ATP6V1A: variants seen among roughly 807,000 people sequenced by gnomAD.
ATP6V1A encodes the protein ATPase H+ transporting V1 subunit A, also known as V-type proton ATPase catalytic subunit A.
ATP6V1A carries 18 observed loss-of-function variants against 70.1 expected under a neutral mutation model. The ratio of observed to expected loss-of-function variants is 0.26; its 90% confidence interval spans 0.18 to 0.38. The LOEUF is 0.38. Ranked by LOEUF, ATP6V1A falls within the 10% of genes least tolerant of loss-of-function variation. ATP6V1A has a pLI of 1.00. For missense variants in ATP6V1A, 424 were observed against 772.4 expected (o/e 0.55, Z 5.35); for synonymous variants, 232 against 253.8 (o/e 0.91, Z 0.82).
intron 2 of ATP6V1A, among the ~76,000 whole-genome samples, chr3:113,779,578 G>T (rs932040259): frequency 3.5e-4 from 53 of 152,080 alleles, no homozygotes; most frequent in African/African-American, 1.2e-3. Context: ...TGATGTTTAC[G>T]CAAATGAAGA....
chr3:113,787,872 G>A (rs1476601058), intron 6 of ATP6V1A, among the ~76,000 whole-genome samples: 2 of 152,046 alleles, frequency 1.3e-5, no homozygotes, highest in African/African-American at 2.4e-5. Context: ...CATTTTCTAC[G>A]ACTGCTTAAA....
Position 113,784,270 on chromosome 3 carries a change from C to G in ATP6V1A, c.258C>G (p.Leu86=). The G allele has an allele frequency of 1.2e-6, 2 of 1,614,188 alleles. No individual in the cohort carries two copies. Among genetic ancestry groups the G allele is most frequent in the Non-Finnish European group, 1.7e-6 (2 of 1,180,014 alleles). ...CTGTACTTCGCACTGGTAAACCCCT[C>G]TCTGTAGAGCTTGGTCCTGGCATTA... is the stretch of plus-strand genomic sequence containing the variant. The part of the protein sequence containing the change: ...GDPVLRTGKP[L]SVELGPGIMG... The change falls in exon 4 of 15, where the codon CTC becomes CTG. Residue 86 remains leucine (L), a synonymous_variant. Coordinates refer to ENST00000273398, the MANE Select transcript of ATP6V1A (RefSeq NM_001690.4).
chr3:113,790,691 C>A (rs534343478), intron 8 of ATP6V1A, among the ~76,000 whole-genome samples: 1 of 152,308 alleles, frequency 6.6e-6, no homozygotes, highest in Non-Finnish European at 1.5e-5. Flanking sequence ...TTAATGCTCA[C>A]CAACAGTCCC....
intron 3 of ATP6V1A, among the ~76,000 whole-genome samples, chr3:113,783,250 A>G (rs1174451572): frequency 1.3e-5 from 2 of 152,176 alleles, no homozygotes; most frequent in Non-Finnish European, 2.9e-5. Context: ...ACAGTGCTAC[A>G]TTGTAAGTAT....
At position 113,779,034 on chromosome 3, in the gene ATP6V1A, A is replaced by G. The variant is rs1577087832; in HGVS notation, c.82+199A>G. On this transcript the variant is annotated intron_variant, in intron 2 of 14. Transcript: ENST00000273398. ...ATCTAGCATTGATTATCTAAATTTT[A>G]TAATTATTGAGGTACTACTTTGTGA... The G allele has an allele frequency of 8.0e-6, 3 of 376,730 alleles. No individual in the cohort carries two copies. The Admixed American group carries it at 1.4e-4, about 17-fold the overall frequency. The allele number at this position is 376,730 out of a possible 1,614,324, so 23.3% of individuals were successfully genotyped here.
chr3:113,772,933 C>CTTTTTTTTTTTTTTTTTTTTTTT (rs762901487), intron 1 of ATP6V1A, among the ~76,000 whole-genome samples: 4 of 90,428 alleles, frequency 4.4e-5, no homozygotes, highest in African/African-American at 1.3e-4. Flanking sequence ...TTAATATTGG[C>CTTTTTTTTTTTTTTTTTTTTTTT]TTTTTTTTTT....
intron 1 of ATP6V1A, among the ~76,000 whole-genome samples, chr3:113,777,949 T>A (rs1037104747): frequency 6.6e-6 from 1 of 152,178 alleles, no homozygotes; most frequent in Non-Finnish European, 1.5e-5. Context: ...GAGGATGGGC[T>A]TGTTGTGGGG....
intron 12 of ATP6V1A, chr3:113,801,154 CTA>C (rs1709207480): frequency 6.6e-6 from 1 of 151,212 alleles, no homozygotes; most frequent in South Asian, 2.1e-4. Context: ...GACCCTATCT[CTA>C]TTAAAAAATA....
chr3:113,788,694 C>G lies in ATP6V1A; in HGVS notation c.717-19C>G. 6.2e-7 allele frequency: 1 copy of G among 1,604,080 alleles called. No homozygotes were observed. The highest frequency in any genetic ancestry group is 1.3e-5 in the African/African-American group (1 of 74,284). ...CTATTAGCAAGTCAAGTAATCCATA[C>G]TTTGTTTTCTTTGTTTAGGTGTGTC... On this transcript the variant is annotated intron_variant, in intron 6 of 14. Coordinates refer to ENST00000273398, the MANE Select transcript of ATP6V1A (RefSeq NM_001690.4).
chr3:113,788,661 A>G, intron 6 of ATP6V1A, 52 bp from the exon 7 acceptor site: 2 of 1,563,930 alleles, frequency 1.3e-6, no homozygotes, highest in Non-Finnish European at 1.7e-6. Flanking sequence ...TACTTTATTT[A>G]TTAATATCTA....
chr3:113,764,840 G>A (rs913971440), intron 1 of ATP6V1A, among the ~76,000 whole-genome samples: 1 of 151,992 alleles, frequency 6.6e-6, no homozygotes, highest in East Asian at 1.9e-4. Context: ...AATCATGCCT[G>A]TAATCCTAGC....
At chr3:113,802,393 C>T (rs1053189264) in intron 12 of ATP6V1A, among the ~76,000 whole-genome samples, 2 of 151,986 alleles carry the variant, frequency 1.3e-5, no homozygotes, top group African/African-American at 4.8e-5. Flanking sequence ...TGCAGTGGCG[C>T]GATCTTGGCT....
intron 14 of ATP6V1A, among the ~76,000 whole-genome samples, chr3:113,806,411 A>T (rs1709276648): frequency 6.6e-6 from 1 of 152,030 alleles, no homozygotes; most frequent in Admixed American, 6.6e-5. Flanking sequence ...TTCTGAAATG[A>T]CATCTTCTCT....
chr3:113,797,851 AT>A (rs1300759725), intron 11 of ATP6V1A, among the ~76,000 whole-genome samples: 10 of 152,104 alleles, frequency 6.6e-5, no homozygotes, highest in African/African-American at 2.4e-5. Context: ...AGAATTGCAT[AT>A]TTAGGGGTCA....
intron 1 of ATP6V1A, among the ~76,000 whole-genome samples, chr3:113,750,406 C>T (rs150041721): frequency 1.1e-4 from 16 of 152,214 alleles, no homozygotes; most frequent in African/African-American, 3.9e-4. Flanking sequence ...CACTTGAACC[C>T]GACAGGTGGA....
chr3:113,773,645 C>G (rs1346122573), intron 1 of ATP6V1A, among the ~76,000 whole-genome samples: 1 of 152,160 alleles, frequency 6.6e-6, no homozygotes, highest in East Asian at 1.9e-4. Flanking sequence ...AAAATCAGAA[C>G]AGACATCATT....
At chr3:113,752,528 T>C (rs1345733058) in intron 1 of ATP6V1A, among the ~76,000 whole-genome samples, 15 of 151,966 alleles carry the variant, frequency 9.9e-5, no homozygotes, top group Admixed American at 9.8e-4. Context: ...ATATGGAAAA[T>C]TAAGGCACCT....
intron 3 of ATP6V1A, among the ~76,000 whole-genome samples, chr3:113,783,107 C>T (rs1002509414): frequency 6.6e-6 from 1 of 152,078 alleles, no homozygotes. Flanking sequence ...AGAGAGATTT[C>T]TAGAGGAATT....
At chr3:113,775,308 C>T (rs1708896705) in intron 1 of ATP6V1A, among the ~76,000 whole-genome samples, 1 of 149,514 alleles carries the variant, frequency 6.7e-6, no homozygotes, top group African/African-American at 2.5e-5. Context: ...TGGCTCACTG[C>T]AACCTCCTCC....
Sources: gnomAD v4.1 joint callset for allele counts (sites outside exome capture counted in the v4.1 genomes callset) on GRCh38, gnomAD v4.1.1 for gene constraint, MANE v1.5 for transcripts, NCBI Gene and HGNC (gene_info 2026-07-23, HGNC 2026-07-21) for gene names.